B4GALT6: variants seen among roughly 807,000 people sequenced by gnomAD.
B4GALT6 encodes beta-1,4-galactosyltransferase 6.
In B4GALT6, 14 loss-of-function variants were observed where a neutral mutation model predicts 46.3. The observed-to-expected ratio is 0.30, with a 90% confidence interval of 0.20 to 0.47. The LOEUF (loss-of-function observed/expected upper bound fraction) is 0.47, where lower values mean the gene tolerates loss of function less well. Ranked by LOEUF, B4GALT6 falls within the 20% of genes least tolerant of loss-of-function variation. The probability of loss-of-function intolerance (pLI) is 0.99; values close to 1 mark genes in which losing one functional copy is unlikely to be tolerated. For synonymous variants in B4GALT6, 168 were observed against 162.0 expected, an observed-to-expected ratio of 1.04 and a Z score of -0.28; for missense variants, 386 against 480.1, an observed-to-expected ratio of 0.80 and a Z score of 1.83.
intron 5 of B4GALT6, among the ~76,000 whole-genome samples, chr18:31,636,853 G>A (rs1157252943): frequency 1.3e-5 from 2 of 151,666 alleles, no homozygotes; most frequent in African/African-American, 4.9e-5. Context: ...ATACAGTCTC[G>A]CTCTGCCGCC....
the B4GALT6 span, among the ~76,000 whole-genome samples, chr18:31,715,373 G>A: frequency 6.6e-6 from 1 of 151,860 alleles, no homozygotes; most frequent in Non-Finnish European, 1.5e-5. Context: ...CTACAGGCAT[G>A]TACCAGCACA....
chr18:31,697,208 G>A, the B4GALT6 span, among the ~76,000 whole-genome samples: 3 of 152,098 alleles, frequency 2.0e-5, no homozygotes, highest in South Asian at 4.2e-4. Context: ...GTAGGTAGAG[G>A]ATGGCTGAGA....
intron 3 of B4GALT6, among the ~76,000 whole-genome samples, chr18:31,651,979 C>G (rs976027385): frequency 2.3e-4 from 35 of 152,090 alleles, no homozygotes; most frequent in Non-Finnish European, 4.1e-4. Context: ...ACTGTGTTAG[C>G]CAGGATGGTC....
At chr18:31,684,175 G>T in intron 1 of B4GALT6, 137 bp downstream of exon 1, 1 of 1,401,966 alleles carries the variant, frequency 7.1e-7, no homozygotes, top group Non-Finnish European at 9.5e-7. Context: ...TGACACGTCT[G>T]AAATAACATT....
At chr18:31,656,488 T>G (rs892386161) in intron 3 of B4GALT6, among the ~76,000 whole-genome samples, 3 of 151,940 alleles carry the variant, frequency 2.0e-5, no homozygotes, top group African/African-American at 7.2e-5. Context: ...GTGTTTTTTT[T>G]AAAATAATGA....
chr18:31,718,048 T>C, the B4GALT6 span, among the ~76,000 whole-genome samples: 23 of 152,252 alleles, frequency 1.5e-4, no homozygotes, highest in Admixed American at 1.2e-3. Context: ...TTAAAACTGG[T>C]TACTAACATT....
chr18:31,716,847 C>A, the B4GALT6 span, among the ~76,000 whole-genome samples: 2 of 152,166 alleles, frequency 1.3e-5, no homozygotes, highest in African/African-American at 4.8e-5. Flanking sequence ...CGCCTGTAAT[C>A]CCAGCACTTT....
chr18:31,655,569 G>A (rs1421340064), intron 3 of B4GALT6, among the ~76,000 whole-genome samples: 5 of 152,174 alleles, frequency 3.3e-5, no homozygotes, highest in Admixed American at 3.3e-4. Context: ...GAGGAGAGGA[G>A]TACCAGAATG....
At chr18:31,638,928 T>C (rs1231789855) in intron 4 of B4GALT6, among the ~76,000 whole-genome samples, 168 bp from the exon 5 acceptor site, 1 of 152,232 alleles carries the variant, frequency 6.6e-6, no homozygotes, top group Non-Finnish European at 1.5e-5. Flanking sequence ...CCTTGCTGCA[T>C]GCTGCTATGG....
intron 6 of B4GALT6, among the ~76,000 whole-genome samples, chr18:31,629,145 CA>C (rs1289399357): frequency 1.3e-5 from 2 of 152,080 alleles, no homozygotes; most frequent in Non-Finnish European, 2.9e-5. Flanking sequence ...ATATGGTATA[CA>C]ATACATATAA....
the B4GALT6 span, among the ~76,000 whole-genome samples, chr18:31,701,301 C>T: frequency 1.3e-5 from 2 of 152,182 alleles, no homozygotes; most frequent in Non-Finnish European, 2.9e-5. Flanking sequence ...TCTCTTGCTC[C>T]TGCTCTGGCC....
chr18:31,662,439 CA>C (rs1399396844), intron 2 of B4GALT6, among the ~76,000 whole-genome samples: 1 of 152,156 alleles, frequency 6.6e-6, no homozygotes, highest in African/African-American at 2.4e-5. Context: ...TGATTTCTAG[CA>C]CCTAATAATA....
At chr18:31,629,916 C>T (rs1365444665) in intron 6 of B4GALT6, among the ~76,000 whole-genome samples, 1 of 150,244 alleles carries the variant, frequency 6.7e-6, no homozygotes, top group Non-Finnish European at 1.5e-5. Context: ...AAGGTAACCC[C>T]ATACTCAAAG....
chr18:31,718,290 G>T, the B4GALT6 span, among the ~76,000 whole-genome samples: 3 of 152,210 alleles, frequency 2.0e-5, no homozygotes, highest in African/African-American at 7.2e-5. Flanking sequence ...GGCCAGGGAT[G>T]CTGCTGAACA....
rs1222073356 is a variant in B4GALT6 at position 31,624,371 on chromosome 18, A to T, written c.*1243T>A. The T allele has an allele frequency of 6.6e-6, 1 of 152,166 alleles. No individual in the cohort carries two copies. The highest frequency in any genetic ancestry group is 1.9e-4 in the East Asian group (1 of 5,184). 9.4% of individuals were successfully genotyped at this position (152,166 alleles called of 1,614,324 possible). ...AATTCTATTAAATTATACTTTTAGA[A>T]AGAAAATTTTAGTAATTAACACCAG... is the stretch of plus-strand genomic sequence containing the variant. On this transcript the variant is annotated 3_prime_UTR_variant, in exon 9 of 9. Coordinates refer to ENST00000306851, the MANE Select transcript of B4GALT6 (RefSeq NM_004775.5).
chr18:31,712,302 T>A, the B4GALT6 span, among the ~76,000 whole-genome samples: 1 of 131,704 alleles, frequency 7.6e-6, no homozygotes, highest in African/African-American at 3.0e-5. Flanking sequence ...TTTTTTTTTT[T>A]TTTTTTTTTT....
intron 1 of B4GALT6, among the ~76,000 whole-genome samples, chr18:31,683,572 C>T: frequency 6.6e-6 from 1 of 152,124 alleles, no homozygotes; most frequent in East Asian, 1.9e-4. Context: ...TTAATTCAAG[C>T]AGTTTTACAA....
chr18:31,684,064 ACGTC>A, intron 1 of B4GALT6, among the ~76,000 whole-genome samples: 1 of 152,352 alleles, frequency 6.6e-6, no homozygotes, highest in South Asian at 2.1e-4. Context: ...TAATTTTGCT[ACGTC>A]TATTTAATGC....
chr18:31,628,165 C>T (rs1000387138), intron 6 of B4GALT6, among the ~76,000 whole-genome samples: 1 of 152,160 alleles, frequency 6.6e-6, no homozygotes, highest in African/African-American at 2.4e-5. Context: ...CATCCTAGGT[C>T]AAAGGTACTC....
Sources: gnomAD v4.1 joint callset for allele counts (sites outside exome capture counted in the v4.1 genomes callset) on GRCh38, gnomAD v4.1.1 for gene constraint, MANE v1.5 for transcripts, NCBI Gene and HGNC (gene_info 2026-07-23, HGNC 2026-07-21) for gene names.